Variants in SGCD observed in about 807,000 individuals in gnomAD.
SGCD encodes the protein delta-sarcoglycan.
A neutral mutation model predicts 36.6 loss-of-function variants in SGCD; 18 were observed. That is an observed-to-expected ratio of 0.49 (90% CI 0.34 to 0.73). The LOEUF is 0.73. Ranked by LOEUF, SGCD falls within the 30% of genes least tolerant of loss-of-function variation. The pLI, the probability that SGCD is intolerant of heterozygous loss-of-function variation, is 0.01. For missense variants in SGCD, 387 were observed against 346.7 expected (o/e 1.12, Z -0.92); for synonymous variants, 133 against 130.6 (o/e 1.02, Z -0.12).
chr5:156,186,996 T>G (rs538520726), intron 3 of SGCD, among the ~76,000 whole-genome samples: 5 of 152,294 alleles, frequency 3.3e-5, no homozygotes, highest in African/African-American at 1.2e-4. Context: ...CTTTTTTTCT[T>G]TTCATGTTTT....
At chr5:156,668,604 A>G (rs1396838122) in intron 7 of SGCD, among the ~76,000 whole-genome samples, 1 of 152,242 alleles carries the variant, frequency 6.6e-6, no homozygotes, top group East Asian at 1.9e-4. Flanking sequence ...TTGTATATTC[A>G]TCTTCTCTAT....
At chr5:156,554,839 C>G (rs1206954064) in intron 4 of SGCD, among the ~76,000 whole-genome samples, 2 of 151,942 alleles carry the variant, frequency 1.3e-5, no homozygotes, top group African/African-American at 4.8e-5. Context: ...GTAGCTGCAC[C>G]CTTTTACATT....
At chr5:155,974,747 G>A (rs969724829) in intron 1 of SGCD, among the ~76,000 whole-genome samples, 2 of 152,102 alleles carry the variant, frequency 1.3e-5, no homozygotes, top group Non-Finnish European at 2.9e-5. Context: ...CAGATGGCAT[G>A]TCAGAGCTTG....
chr5:156,096,918 A>G (rs1176348026), intron 1 of SGCD, among the ~76,000 whole-genome samples: 2 of 152,248 alleles, frequency 1.3e-5, no homozygotes, highest in East Asian at 3.9e-4. Flanking sequence ...GTTTTCCTTC[A>G]TCTGAGAATA....
chr5:156,299,934 G>C (rs1196151839), intron 3 of SGCD, among the ~76,000 whole-genome samples: 1 of 151,800 alleles, frequency 6.6e-6, no homozygotes, highest in Non-Finnish European at 1.5e-5. Context: ...TCTTTCTCTT[G>C]TCTGGTTGCT....
At position 156,040,863 on chromosome 5, in the gene SGCD, C is replaced by T. The variant is rs570330369; in HGVS notation, c.-281-77015C>T. On this transcript the variant is annotated intron_variant, in intron 1 of 9. Transcript: ENST00000517913. ...AGTGCCATCCTGATGGAGCTTGGCC[C>T]AGTGATGTGTAAGCCTCTAATTTAG... Among the ~76,000 whole-genome samples the T allele has an allele frequency of 4.6e-5, 7 of 152,232 alleles. No individual in the cohort carries two copies. In the East Asian group the frequency reaches 1.2e-3, roughly 25 times the overall value.
chr5:156,459,763 A>G (rs1340442535), intron 3 of SGCD, among the ~76,000 whole-genome samples: 1 of 152,306 alleles, frequency 6.6e-6, no homozygotes, highest in East Asian at 1.9e-4. Flanking sequence ...AACTAAACTG[A>G]TGTGTAAAGT....
the SGCD span, among the ~76,000 whole-genome samples, chr5:155,862,478 C>T: frequency 3.3e-5 from 5 of 151,946 alleles, no homozygotes; most frequent in Admixed American, 1.3e-4. Context: ...AGACATGCAC[C>T]GCTACACCTG....
At chr5:156,059,738 G>A (rs1760155791) in intron 1 of SGCD, among the ~76,000 whole-genome samples, 1 of 146,826 alleles carries the variant, frequency 6.8e-6, no homozygotes, top group South Asian at 2.1e-4. Context: ...CACAGGTTTG[G>A]TAGTATAGTA....
chr5:156,085,982 T>A (rs1230004993), intron 1 of SGCD, among the ~76,000 whole-genome samples: 1 of 152,246 alleles, frequency 6.6e-6, no homozygotes, highest in African/African-American at 2.4e-5. Context: ...TACAAGATAC[T>A]TGAACGTTTT....
In SGCD at chr5:156,074,133, C is replaced by T. The variant is rs118162939; in HGVS notation, c.-281-43745C>T. ...ATTGTCTGGTTTATATAAATGTTTA[C>T]TTATTTATTATATATCTTTTGGAAC... On this transcript the variant is annotated intron_variant, in intron 1 of 9. Coordinates refer to the SGCD transcript ENST00000517913. 3.9e-4 allele frequency among the ~76,000 whole-genome samples: 60 copies of T among 152,312 alleles called. No homozygotes were observed. The East Asian group carries it at 0.01, about 26-fold the overall frequency.
At chr5:156,105,844 G>A (rs1761632473) in intron 1 of SGCD, among the ~76,000 whole-genome samples, 1 of 152,002 alleles carries the variant, frequency 6.6e-6, no homozygotes, top group African/African-American at 2.4e-5. Flanking sequence ...TGGTTGCGGT[G>A]GATCATTCCT....
At chr5:156,070,232 G>A (rs1760501190) in intron 1 of SGCD, among the ~76,000 whole-genome samples, 1 of 151,834 alleles carries the variant, frequency 6.6e-6, no homozygotes, top group African/African-American at 2.4e-5. Context: ...AACGCTTCCA[G>A]TTTTTGCCCA....
intron 3 of SGCD, among the ~76,000 whole-genome samples, chr5:156,465,943 T>C (rs918442497): frequency 2.0e-5 from 3 of 152,190 alleles, no homozygotes; most frequent in Non-Finnish European, 4.4e-5. Context: ...CTAATGGACA[T>C]TTTGTTTTTG....
the SGCD span, among the ~76,000 whole-genome samples, chr5:155,758,504 C>T: frequency 1.3e-5 from 2 of 152,204 alleles, no homozygotes; most frequent in African/African-American, 2.4e-5. Context: ...GGGTTATGGA[C>T]TGGTACCGGT....
intron 1 of SGCD, among the ~76,000 whole-genome samples, chr5:156,018,039 G>A (rs1274541750): frequency 6.6e-6 from 1 of 151,942 alleles, no homozygotes; most frequent in Non-Finnish European, 1.5e-5. Flanking sequence ...GAGCACCTGT[G>A]GTTCTAGCTA....
chr5:156,603,323 CTT>C (rs1026137568), intron 6 of SGCD, among the ~76,000 whole-genome samples: 1 of 151,892 alleles, frequency 6.6e-6, no homozygotes, highest in Non-Finnish European at 1.5e-5. Context: ...TGAGTCTTCT[CTT>C]TTTGTATTAA....
the SGCD span, among the ~76,000 whole-genome samples, chr5:155,728,902 A>G: frequency 6.6e-6 from 1 of 152,188 alleles, no homozygotes; most frequent in African/African-American, 2.4e-5. Flanking sequence ...CGCGTGGCCC[A>G]GGAGAGGAGC....
At chr5:156,376,320 A>G (rs890136845) in intron 3 of SGCD, among the ~76,000 whole-genome samples, 3 of 152,228 alleles carry the variant, frequency 2.0e-5, no homozygotes, top group Non-Finnish European at 2.9e-5. Context: ...AGTGTCATTT[A>G]CATGTACATC....
Sources: allele counts gnomAD v4.1 joint callset (sites outside exome capture counted in the v4.1 genomes callset), GRCh38; gene constraint gnomAD v4.1.1; transcripts MANE v1.5; gene names NCBI Gene and HGNC (gene_info 2026-07-23, HGNC 2026-07-21).